TMEM245: variants seen among roughly 807,000 people sequenced by gnomAD.
TMEM245 encodes transmembrane protein 245, also known as protein CG-2.
A neutral mutation model predicts 101.2 loss-of-function variants in TMEM245; 69 were observed. That is an observed-to-expected ratio of 0.68 (90% confidence interval 0.56 to 0.83). TMEM245 has a LOEUF of 0.83. TMEM245 is among the 40% of genes least tolerant of loss of function. TMEM245 has a pLI of 0.00. For missense variants in TMEM245, 1,075 were observed against 1,092.8 expected (o/e 0.98, Z 0.23); for synonymous variants, 537 against 449.8 (o/e 1.19, Z -2.45).
chr9:109,101,781 C>T (rs1352261992), intron 3 of TMEM245, among the ~76,000 whole-genome samples: 1 of 152,202 alleles, frequency 6.6e-6, no homozygotes, highest in East Asian at 1.9e-4. Context: ...CAGCACATCA[C>T]TACTCTAAGT....
intron 3 of TMEM245, among the ~76,000 whole-genome samples, chr9:109,094,754 A>C (rs1190039636): frequency 6.6e-6 from 1 of 152,198 alleles, no homozygotes. Context: ...TCTATTGTTC[A>C]CAACTAAGAA....
At position 109,018,731 on chromosome 9, in the gene TMEM245, C is replaced by G. The variant is rs953746859; in HGVS notation, c.*1729G>C. Reference sequence around the variant, plus strand: ...AAATCTTCAACGCTTAAGAACTACCCCCCAACACTTTTTTTTTTCCTTGGG... The same window carrying G: ...AAATCTTCAACGCTTAAGAACTACCGCCCAACACTTTTTTTTTTCCTTGGG... On this transcript the variant is annotated 3_prime_UTR_variant, in exon 18 of 18. Coordinates refer to ENST00000374586, the MANE Select transcript of TMEM245 (RefSeq NM_032012.4). 1.3e-5 allele frequency: 2 copies of G among 150,826 alleles called. No individual in the cohort carries two copies. Among genetic ancestry groups the G allele is most frequent in the Non-Finnish European group, 3.0e-5 (2 of 67,780 alleles). The allele number at this position is 150,826 out of a possible 1,614,324, so 9.3% of individuals were successfully genotyped here. A position where few individuals can be genotyped will look rare whatever the true frequency, so the allele number is the denominator to read the frequency against.
In TMEM245 at chr9:109,050,447, CATCTCCT is replaced by C. The variant is rs1828640206; in HGVS notation, c.1978-26_1978-20del. ...AAATTATCTGCAAAACAAAGGACAA[CATCTCCT>C]AAAAAAATCGTATTTGGAAACTATA... On this transcript the variant is annotated intron_variant, in intron 13 of 17. Transcript: ENST00000374586. 1 of 1,612,644 alleles carries C rather than the reference CATCTCCT, an allele frequency of 6.2e-7. No individual in the cohort carries two copies. Among genetic ancestry groups the C allele is most frequent in the African/African-American group, 1.3e-5 (1 of 74,760 alleles).
chr9:109,054,263 G>A (rs1048921274), intron 12 of TMEM245, among the ~76,000 whole-genome samples: 7 of 152,158 alleles, frequency 4.6e-5, no homozygotes, highest in African/African-American at 1.7e-4. Flanking sequence ...AGGATGGCTT[G>A]AGCCCAGGAG....
intron 5 of TMEM245, 120 bp downstream of exon 5, chr9:109,090,802 A>T (rs1025534399): frequency 2.4e-6 from 2 of 840,426 alleles, no homozygotes; most frequent in Non-Finnish European, 3.6e-6. Flanking sequence ...AAATGCAAAC[A>T]TAAGATTGTT....
At position 109,033,509 on chromosome 9, in the gene TMEM245, A is replaced by G. The variant is rs763547596; in HGVS notation, c.2400-8T>C. On this transcript the variant is annotated splice_polypyrimidine_tract_variant and splice_region_variant and intron_variant, in intron 16 of 17. Transcript: ENST00000374586. ...AGGTAAGGATGGCCACCTCTGGAAT[A>G]AAGAGCACGACCTTTAACACACAAA... The G allele has an allele frequency of 8.8e-6, 14 of 1,582,026 alleles. No individual in the cohort carries two copies. The highest frequency in any genetic ancestry group is 5.4e-5 in the African/African-American group (4 of 73,560).
intron 5 of TMEM245, among the ~76,000 whole-genome samples, chr9:109,088,458 A>G (rs928674589): frequency 3.3e-5 from 5 of 152,200 alleles, no homozygotes; most frequent in African/African-American, 1.2e-4. Context: ...TCCTGCTAAC[A>G]AACTTTAAGG....
chr9:109,063,674 T>C (rs1483918126), intron 10 of TMEM245, among the ~76,000 whole-genome samples: 1 of 152,164 alleles, frequency 6.6e-6, no homozygotes. Flanking sequence ...AATCCTTAAC[T>C]GTGCTGCCTT....
At chr9:109,100,832 C>G (rs1830265426) in intron 3 of TMEM245, among the ~76,000 whole-genome samples, 1 of 152,202 alleles carries the variant, frequency 6.6e-6, no homozygotes, top group South Asian at 2.1e-4. Flanking sequence ...TTTAAAAGCA[C>G]TTGAAAGTTC....
intron 14 of TMEM245, chr9:109,038,332 T>C (rs1828201072): frequency 5.5e-6 from 2 of 365,068 alleles, no homozygotes; most frequent in Admixed American, 9.2e-5. Flanking sequence ...ATATGTTTTA[T>C]TTGGAAATAT....
At chr9:109,036,468 C>T (rs1226641958) in intron 15 of TMEM245, 88 bp from the exon 16 acceptor site, 24 of 1,266,150 alleles carry the variant, frequency 1.9e-5, no homozygotes, top group Middle Eastern at 2.0e-4. Context: ...TCCTCCTCAA[C>T]AACTTCCAAC....
intron 17 of TMEM245, among the ~76,000 whole-genome samples, chr9:109,021,814 C>G (rs1827633716): frequency 1.3e-5 from 2 of 151,960 alleles, no homozygotes. Flanking sequence ...CCACCACCAC[C>G]CCCCCAAAAA....
At chr9:109,052,194 A>T (rs1588035856) in intron 12 of TMEM245, among the ~76,000 whole-genome samples, 1 of 152,244 alleles carries the variant, frequency 6.6e-6, no homozygotes, top group East Asian at 1.9e-4. Flanking sequence ...TGAAAAATAC[A>T]AAAACAAAAT....
At chr9:109,076,925 C>T (rs1014098342) in intron 8 of TMEM245, among the ~76,000 whole-genome samples, 1 of 152,060 alleles carries the variant, frequency 6.6e-6, no homozygotes, top group Non-Finnish European at 1.5e-5. Context: ...AACTCCTGGG[C>T]TCAAGCAATC....
At chr9:109,044,279 C>T (rs1280769716) in intron 14 of TMEM245, among the ~76,000 whole-genome samples, 1 of 152,132 alleles carries the variant, frequency 6.6e-6, no homozygotes, top group Non-Finnish European at 1.5e-5. Flanking sequence ...AGATGACCTG[C>T]TTTTAATGGA....
intron 2 of TMEM245, among the ~76,000 whole-genome samples, chr9:109,106,945 A>T (rs576774810): frequency 6.6e-6 from 1 of 152,286 alleles, no homozygotes; most frequent in Non-Finnish European, 1.5e-5. Context: ...CAGAATGACC[A>T]GAATTAGGCA....
At chr9:109,036,515 G>GC in intron 15 of TMEM245, 135 bp from the exon 16 acceptor site, 1 of 819,774 alleles carries the variant, frequency 1.2e-6, no homozygotes, top group Non-Finnish European at 1.8e-6. Context: ...AAATATTAGG[G>GC]AAATGATATG....
At chr9:109,056,429 T>C (rs1277378260) in intron 12 of TMEM245, among the ~76,000 whole-genome samples, 9 of 91,074 alleles carry the variant, frequency 9.9e-5, no homozygotes, top group African/African-American at 4.2e-4. Context: ...ACCCCATATC[T>C]ACTAAAAATG....
chr9:109,064,407 T>G (rs1829102452), intron 10 of TMEM245, 70 bp downstream of exon 10: 5 of 1,388,972 alleles, frequency 3.6e-6, no homozygotes, highest in Non-Finnish European at 5.0e-6. Flanking sequence ...TTATGTTTTA[T>G]CAAAGCAACA....
Sources: allele counts gnomAD v4.1 joint callset (sites outside exome capture counted in the v4.1 genomes callset), GRCh38; gene constraint gnomAD v4.1.1; transcripts MANE v1.5; gene names NCBI Gene and HGNC (gene_info 2026-07-23, HGNC 2026-07-21).